Variants in GOSR2 observed in about 807,000 individuals in gnomAD.
GOSR2 encodes golgi SNAP receptor complex member 2.
Under a neutral mutation model 27.9 loss-of-function variants are expected in GOSR2, and 20 were observed. That is an observed-to-expected ratio of 0.72 (90% CI 0.50 to 1.04). The LOEUF is 1.04. GOSR2 is among the 50% of genes least tolerant of loss of function. The pLI, the probability that GOSR2 is intolerant of heterozygous loss-of-function variation, is 0.00. For missense variants in GOSR2, 261 were observed against 270.5 expected (o/e 0.97, Z 0.25); for synonymous variants, 91 against 98.8 (o/e 0.92, Z 0.47).
At chr17:46,965,367 G>A (rs945722492) in intron 6 of GOSR2, among the ~76,000 whole-genome samples, 1 of 152,210 alleles carries the variant, frequency 6.6e-6, no homozygotes, top group Admixed American at 6.5e-5. Context: ...GAAGTGCTGG[G>A]ACAAGGAGAG....
intron 6 of GOSR2, among the ~76,000 whole-genome samples, chr17:46,952,440 G>A (rs935642926): frequency 5.9e-5 from 9 of 152,158 alleles, no homozygotes; most frequent in Non-Finnish European, 1.2e-4. Flanking sequence ...CTAGCTACAC[G>A]CCACTTTTGT....
At chr17:46,969,044 G>A (rs895226234), downstream of GOSR2, 3 of 152,720 alleles carry the variant, frequency 2.0e-5, no homozygotes, top group African/African-American at 7.2e-5. Context: ...TCCGTACTGA[G>A]CTTCTCATGC....
chr17:46,942,289 T>C (rs2089386998), downstream of GOSR2, among the ~76,000 whole-genome samples: 1 of 152,228 alleles, frequency 6.6e-6, no homozygotes, highest in Non-Finnish European at 1.5e-5. Flanking sequence ...CATAAACAGC[T>C]TGCCTGTAGG....
chr17:46,962,520 T>C (rs1337644833), intron 6 of GOSR2, among the ~76,000 whole-genome samples: 2 of 152,106 alleles, frequency 1.3e-5, no homozygotes, highest in African/African-American at 4.8e-5. Flanking sequence ...ATTATTGAGG[T>C]CTGGAAACTG....
downstream of GOSR2, among the ~76,000 whole-genome samples, chr17:46,967,463 T>G (rs2091347126): frequency 6.6e-6 from 1 of 152,214 alleles, no homozygotes; most frequent in African/African-American, 2.4e-5. Flanking sequence ...ATAATTCTGT[T>G]TCATGGGTGA....
At position 46,929,535 on chromosome 17, in the gene GOSR2, C is replaced by A; in HGVS notation, c.45C>A (p.Ile15=). The change falls in exon 2 of 6, where the codon ATC becomes ATA. Residue 15 remains isoleucine, a synonymous_variant. Transcript: ENST00000640051. Reference sequence around the variant, plus strand: ...CCTTTGATAGGCAGGTCCACGAGATCCAGTCTTGCATGGGACGCCTGGAGA... The same window carrying A: ...CCTTTGATAGGCAGGTCCACGAGATACAGTCTTGCATGGGACGCCTGGAGA... ...FQQTHKQVHE[I]QSCMGRLETA... is the part of the protein sequence containing the mutation. 1 of 1,558,958 alleles carries A rather than the reference C, an allele frequency of 6.4e-7. No individual in the cohort carries two copies. The highest frequency in any genetic ancestry group is 8.9e-7 in the Non-Finnish European group (1 of 1,129,834).
chr17:46,939,033 A>AAG lies in GOSR2; in HGVS notation c.*275_*276dup. The AAG allele has an allele frequency of 1.6e-6, 2 of 1,262,210 alleles. No individual in the cohort carries two copies. The highest frequency in any genetic ancestry group is 2.0e-6 in the Non-Finnish European group (2 of 984,306). 78.2% of individuals were successfully genotyped at this position (1,262,210 alleles called of 1,614,324 possible). A position where few individuals can be genotyped will look rare whatever the true frequency, so the allele number is the denominator to read the frequency against. ...ACTCTCGCTCTCACTGGGGGAGGGA[A>AAG]AGAATGGCTTTGGTGGCTTTGTTCA... is the stretch of plus-strand genomic sequence containing the variant. On this transcript the variant is annotated 3_prime_UTR_variant, in exon 6 of 6. Transcript: ENST00000640051.
chr17:46,923,545 C>T, intron 1 of GOSR2: 1 of 1,328,850 alleles, frequency 7.5e-7, no homozygotes, highest in Non-Finnish European at 9.6e-7. Context: ...CAACTCGGTG[C>T]TCCTGGTTGG....
At chr17:46,929,773 CAA>C (rs1198067718) in intron 2 of GOSR2, 189 bp downstream of exon 2, 2 of 585,058 alleles carry the variant, frequency 3.4e-6, no homozygotes, top group Non-Finnish European at 6.2e-6. Flanking sequence ...TGGAATCCCA[CAA>C]GTCTTATCCC....
intron 6 of GOSR2, among the ~76,000 whole-genome samples, chr17:46,951,644 G>A (rs550799229): frequency 1.3e-5 from 2 of 152,178 alleles, no homozygotes; most frequent in Non-Finnish European, 2.9e-5. Flanking sequence ...TAGCATTGGA[G>A]AGCTTCCCCG....
At chr17:46,935,861 C>T (rs759372734) in intron 5 of GOSR2, 11 of 986,120 alleles carry the variant, frequency 1.1e-5, no homozygotes, top group African/African-American at 1.7e-5. Flanking sequence ...CCTGTATCAA[C>T]CCTGATGGAT....
chr17:46,955,449 T>C (rs1235467354), intron 6 of GOSR2: 1 of 152,184 alleles, frequency 6.6e-6, no homozygotes, highest in African/African-American at 2.4e-5. Context: ...TGCATCAATG[T>C]TCATCAAGGA....
At chr17:46,958,216 A>G (rs571734047) in intron 6 of GOSR2, among the ~76,000 whole-genome samples, 1 of 152,330 alleles carries the variant, frequency 6.6e-6, no homozygotes, top group African/African-American at 2.4e-5. Context: ...ACCAACTTGG[A>G]GGGCAGGGAA....
intron 6 of GOSR2, chr17:46,948,641 A>G (rs1249138385): frequency 2.0e-5 from 3 of 152,282 alleles, no homozygotes; most frequent in Non-Finnish European, 2.9e-5. Context: ...GACAAAGCCA[A>G]TCAAGCATGT....
intron 5 of GOSR2, chr17:46,935,460 C>G (rs962921311): frequency 2.2e-6 from 3 of 1,381,848 alleles, no homozygotes; most frequent in Admixed American, 6.3e-5. Flanking sequence ...TACGAGGGGT[C>G]CAATCACAGG....
At chr17:46,959,218 A>G (rs1355936493) in intron 6 of GOSR2, among the ~76,000 whole-genome samples, 1 of 152,094 alleles carries the variant, frequency 6.6e-6, no homozygotes, top group African/African-American at 2.4e-5. Context: ...AGATGGACAG[A>G]CTGACTGTGA....
At chr17:46,951,352 A>G (rs1453595007) in intron 6 of GOSR2, among the ~76,000 whole-genome samples, 1 of 152,078 alleles carries the variant, frequency 6.6e-6, no homozygotes, top group South Asian at 2.1e-4. Context: ...TTCCATGACA[A>G]CAGCAAGCTC....
chr17:46,940,156 G>A lies in GOSR2; in HGVS notation c.*1396G>A. On this transcript the variant is annotated 3_prime_UTR_variant, in exon 6 of 6. Transcript: ENST00000640051. ...CTCCCCGCTGCTCTGTAGTCATGTT[G>A]GTCCTTTCAGGCACCTCTGTGGCAT... The A allele has an allele frequency of 7.6e-7, 1 of 1,318,386 alleles. No homozygotes were observed. Among genetic ancestry groups the A allele is most frequent in the Non-Finnish European group, 9.7e-7 (1 of 1,029,496 alleles). The allele number at this position is 1,318,386 out of a possible 1,614,324, so 81.7% of individuals were successfully genotyped here.
chr17:46,934,503 CAG>C (rs1471719847), intron 4 of GOSR2, among the ~76,000 whole-genome samples: 1 of 152,132 alleles, frequency 6.6e-6, no homozygotes, highest in Non-Finnish European at 1.5e-5. Flanking sequence ...CCCTGGGTGA[CAG>C]AGGGAAACCC....
Sources: gnomAD v4.1 joint callset for allele counts (sites outside exome capture counted in the v4.1 genomes callset) on GRCh38, gnomAD v4.1.1 for gene constraint, MANE v1.5 for transcripts, NCBI Gene and HGNC (gene_info 2026-07-23, HGNC 2026-07-21) for gene names.